CAPZA1: variants seen among roughly 807,000 people sequenced by gnomAD.
CAPZA1 encodes F-actin-capping protein subunit alpha-1.
CAPZA1 carries 10 observed loss-of-function variants against 40.8 expected under a neutral mutation model. The ratio of observed to expected loss-of-function variants is 0.25; its 90% confidence interval spans 0.15 to 0.42. The LOEUF is 0.42. Among genes scored for constraint, CAPZA1 ranks in the 10% least tolerant of loss-of-function variants. CAPZA1 has a pLI of 1.00. For synonymous variants in CAPZA1, 98 were observed against 115.0 expected (o/e 0.85, Z 0.95); for missense variants, 277 against 353.8 (o/e 0.78, Z 1.74).
At chr1:112,669,003 T>C (rs971727705) in intron 8 of CAPZA1, among the ~76,000 whole-genome samples, 2 of 152,234 alleles carry the variant, frequency 1.3e-5, no homozygotes, top group African/African-American at 4.8e-5. Flanking sequence ...TCTGTTGTAC[T>C]TAATGGTAAC....
chr1:112,625,787 T>G (rs1670793429), intron 1 of CAPZA1: 1 of 152,218 alleles, frequency 6.6e-6, no homozygotes, highest in South Asian at 2.1e-4. Flanking sequence ...TCTGTGGCCC[T>G]CCAGATAGTG....
intron 1 of CAPZA1, chr1:112,625,890 T>G (rs1670796137): frequency 6.6e-6 from 1 of 152,504 alleles, no homozygotes; most frequent in South Asian, 2.1e-4. Context: ...CATTGTCCAG[T>G]ACCAGCACAT....
intron 1 of CAPZA1, among the ~76,000 whole-genome samples, chr1:112,640,505 C>G: frequency 7.2e-6 from 1 of 138,716 alleles, no homozygotes; most frequent in South Asian, 2.2e-4. Flanking sequence ...GTCAGCCCCC[C>G]GTCCGGGAGG....
In CAPZA1 at chr1:112,667,093, G is replaced by C; in HGVS notation, c.605G>C (p.Gly202Ala). Residue 202 changes from glycine (G) to alanine (A), a missense_variant, in exon 8 of 10, where the codon GGC (glycine) becomes GCC (alanine). By Grantham distance (60) the Gly-to-Ala change is moderately conservative. This residue lies in a region of CAPZA1 where 192 missense variants were observed against 277.2 expected (regional missense o/e 0.69). Coordinates refer to ENST00000263168, the MANE Select transcript of CAPZA1 (RefSeq NM_006135.3). The stretch of plus-strand genomic sequence containing the variant: ...ACACAGGTTCACTATTATGAAGATG[G>C]CAATGTTCAGTTGGTTAGTCATAAA... ...LKIQVHYYED[G>A]NVQLVSHKDV... is the part of the protein sequence containing the mutation. 1 of 1,612,296 alleles carries C rather than the reference G, an allele frequency of 6.2e-7. No individual in the cohort carries two copies.
At chr1:112,632,047 G>A (rs927392765) in intron 1 of CAPZA1, among the ~76,000 whole-genome samples, 2 of 152,166 alleles carry the variant, frequency 1.3e-5, no homozygotes, top group South Asian at 2.1e-4. Flanking sequence ...GCTCATGCCC[G>A]TAATCCCAGC....
chr1:112,654,671 T>C lies in CAPZA1; in HGVS notation c.426T>C (p.Thr142=), dbSNP rs750453121. The C allele has an allele frequency of 1.9e-6, 3 of 1,594,880 alleles. No homozygotes were observed. Among genetic ancestry groups the C allele is most frequent in the African/African-American group, 2.7e-5 (2 of 74,090 alleles). ...VKDHYSNGFC[T]VYAKTIDGQQ... ...ACCATTATTCCAACGGCTTCTGTAC[T>C]GTTAAGTATCTGACTGCTTCGTTAT... Residue 142 remains threonine (T), a splice_region_variant and synonymous_variant, in exon 5 of 10, where the codon ACT becomes ACC. Coordinates refer to ENST00000263168, the MANE Select transcript of CAPZA1 (RefSeq NM_006135.3).
At chr1:112,627,451 C>G (rs1177671416) in intron 1 of CAPZA1, among the ~76,000 whole-genome samples, 1 of 150,962 alleles carries the variant, frequency 6.6e-6, no homozygotes, top group Admixed American at 6.6e-5. Flanking sequence ...TCAAGACCAG[C>G]CTGAGCAACA....
rs1420283502 is a variant in CAPZA1, at chr1:112,627,594, T to C, written c.39+7711T>C. 2.3e-5 allele frequency among the ~76,000 whole-genome samples: 3 copies of C among 130,262 alleles called. No homozygotes were observed. In the East Asian group the frequency reaches 7.3e-4, roughly 32 times the overall value. The allele number at this position is 130,262 out of a possible 152,430, so 85.5% of individuals were successfully genotyped here. A position where few individuals can be genotyped will look rare whatever the true frequency, so the allele number is the denominator to read the frequency against. On this transcript the variant is annotated intron_variant, in intron 1 of 9. Coordinates refer to ENST00000263168, the MANE Select transcript of CAPZA1 (RefSeq NM_006135.3). ...TTGCAGTGAGCCGAGATCATGCCAT[T>C]GCACTCCAGCCTGGCCTGGCCGACA...
chr1:112,662,719 A>G (rs1671643453), intron 7 of CAPZA1, among the ~76,000 whole-genome samples: 1 of 151,790 alleles, frequency 6.6e-6, no homozygotes, highest in African/African-American at 2.4e-5. Context: ...CATTGAGATC[A>G]AAAACAGTGA....
intron 1 of CAPZA1, among the ~76,000 whole-genome samples, chr1:112,627,083 A>G (rs1670823080): frequency 6.6e-6 from 1 of 152,252 alleles, no homozygotes; most frequent in African/African-American, 2.4e-5. Flanking sequence ...ACAGTAGAGT[A>G]AACTGAGGCA....
At chr1:112,632,960 T>C (rs1193904122) in intron 1 of CAPZA1, among the ~76,000 whole-genome samples, 2 of 152,256 alleles carry the variant, frequency 1.3e-5, no homozygotes, top group East Asian at 1.9e-4. Context: ...TCAAGTCTTA[T>C]CTCTTGCTGA....
intron 1 of CAPZA1, among the ~76,000 whole-genome samples, chr1:112,623,866 C>T (rs1351807867): frequency 1.3e-5 from 2 of 150,654 alleles, no homozygotes; most frequent in Non-Finnish European, 3.0e-5. Flanking sequence ...ATTAGCCGGG[C>T]GTGGTGGCAG....
chr1:112,642,450 C>T (rs577490890), intron 1 of CAPZA1, among the ~76,000 whole-genome samples: 2 of 151,864 alleles, frequency 1.3e-5, no homozygotes, highest in African/African-American at 4.8e-5. Flanking sequence ...CTCCTGACCT[C>T]GTGATCTGCC....
chr1:112,641,718 A>C (rs560849054), intron 1 of CAPZA1, among the ~76,000 whole-genome samples: 2 of 152,002 alleles, frequency 1.3e-5, no homozygotes, highest in African/African-American at 4.8e-5. Flanking sequence ...GTGAAACCCC[A>C]TGTCTACTAA....
intron 1 of CAPZA1, among the ~76,000 whole-genome samples, chr1:112,645,492 G>A (rs906358067): frequency 6.6e-6 from 1 of 152,050 alleles, no homozygotes; most frequent in East Asian, 1.9e-4. Context: ...AAATTAGCCA[G>A]GCATGGTGAG....
intron 1 of CAPZA1, among the ~76,000 whole-genome samples, chr1:112,644,119 A>G (rs1671233996): frequency 7.1e-6 from 1 of 140,162 alleles, no homozygotes; most frequent in African/African-American, 2.7e-5. Flanking sequence ...TGCTGGGATT[A>G]CAGGCGTGAT....
At chr1:112,649,786 C>T in intron 3 of CAPZA1, 1 of 352,198 alleles carries the variant, frequency 2.8e-6, no homozygotes, top group Non-Finnish European at 5.1e-6. Context: ...AAACAGCTAG[C>T]TATACATAGG....
intron 1 of CAPZA1, among the ~76,000 whole-genome samples, chr1:112,646,259 A>G (rs1364937545): frequency 6.6e-6 from 1 of 152,202 alleles, no homozygotes; most frequent in Non-Finnish European, 1.5e-5. Flanking sequence ...TAGAGGTGAT[A>G]GGAGTCATCT....
chr1:112,663,711 G>T (rs1213043213), intron 7 of CAPZA1, among the ~76,000 whole-genome samples: 4 of 151,642 alleles, frequency 2.6e-5, no homozygotes, highest in African/African-American at 9.7e-5. Context: ...CACCATGTTG[G>T]TCAGGCTGGT....
Sources: allele counts gnomAD v4.1 joint callset (sites outside exome capture counted in the v4.1 genomes callset), GRCh38; gene constraint gnomAD v4.1.1; regional missense constraint gnomAD v4.1.1; transcripts MANE v1.5; gene names NCBI Gene and HGNC (gene_info 2026-07-23, HGNC 2026-07-21).